Variants in GRM7 observed in about 807,000 individuals in gnomAD.
GRM7 encodes metabotropic glutamate receptor 7.
In GRM7, 35 loss-of-function variants were observed where a neutral mutation model predicts 84.5. The ratio of observed to expected loss-of-function variants is 0.41; its 90% CI spans 0.32 to 0.55. The LOEUF is 0.55. Among genes scored for constraint, GRM7 ranks in the 20% least tolerant of loss-of-function variants. GRM7 has a pLI of 0.19. For synonymous variants in GRM7, 487 were observed against 455.1 expected, an observed-to-expected ratio of 1.07 and a Z score of -0.89; for missense variants, 1,003 against 1,194.6, an observed-to-expected ratio of 0.84 and a Z score of 2.36.
chr3:7,245,766 A>G (rs1455081801), intron 2 of GRM7, among the ~76,000 whole-genome samples: 1 of 152,110 alleles, frequency 6.6e-6, no homozygotes, highest in Non-Finnish European at 1.5e-5. Flanking sequence ...GTATATGGAC[A>G]AATAGAAATC....
intron 8 of GRM7, among the ~76,000 whole-genome samples, chr3:7,587,963 C>G (rs1184905949): frequency 2.0e-5 from 3 of 152,092 alleles, no homozygotes; most frequent in African/African-American, 7.2e-5. Flanking sequence ...ATTCTCCTCC[C>G]ATCTCTGCTT....
At chr3:7,072,122 A>C (rs999720691) in intron 1 of GRM7, among the ~76,000 whole-genome samples, 1 of 152,082 alleles carries the variant, frequency 6.6e-6, no homozygotes, top group East Asian at 1.9e-4. Flanking sequence ...TAATATGCCC[A>C]GTTCATACTG....
At position 6,928,729 on chromosome 3, in the gene GRM7, A is replaced by G. The variant is rs970240281; in HGVS notation, c.519+66822A>G. On this transcript the variant is annotated intron_variant, in intron 1 of 9. Transcript: ENST00000357716. The surrounding 1 kb of genome is among the most constrained non-coding windows in gnomAD (Gnocchi z 4.5). The stretch of plus-strand genomic sequence containing the variant: ...CAATTTATCACTAAATGGCTTTTCC[A>G]TGGATTGCAATCATTGAAAGGTTGT... Among the ~76,000 whole-genome samples the G allele has an allele frequency of 3.9e-5, 6 of 152,168 alleles. No homozygotes were observed. The highest frequency in any genetic ancestry group is 1.3e-4 in the Admixed American group (2 of 15,278).
chr3:7,068,050 C>T (rs2030152), intron 1 of GRM7, among the ~76,000 whole-genome samples: 2 of 151,708 alleles, frequency 1.3e-5, no homozygotes, highest in Non-Finnish European at 2.9e-5. Context: ...GATAATTCTT[C>T]GTGTATAAAG....
intron 9 of GRM7, among the ~76,000 whole-genome samples, chr3:7,701,100 G>A (rs2125158439): frequency 2.0e-5 from 3 of 152,246 alleles, no homozygotes; most frequent in Middle Eastern, 6.8e-3. Flanking sequence ...ATATGATGTG[G>A]AATTGGCACC....
intron 7 of GRM7, among the ~76,000 whole-genome samples, chr3:7,513,882 C>T (rs1188915863): frequency 2.0e-5 from 3 of 152,306 alleles, no homozygotes; most frequent in East Asian, 3.9e-4. Flanking sequence ...TCTTTTATTG[C>T]ACTTCATCTG....
At chr3:7,102,687 C>G (rs1355876399) in intron 1 of GRM7, among the ~76,000 whole-genome samples, 4 of 151,712 alleles carry the variant, frequency 2.6e-5, no homozygotes. Flanking sequence ...TACACACATA[C>G]TCGACTGTTT....
At chr3:7,539,956 T>A (rs183761788) in intron 7 of GRM7, among the ~76,000 whole-genome samples, 111 of 152,318 alleles carry the variant, frequency 7.3e-4, no homozygotes, top group Non-Finnish European at 9.6e-4. Flanking sequence ...GGCTAACCAG[T>A]AATTTAGAAA....
chr3:6,892,131 C>A (rs145454000), intron 1 of GRM7, among the ~76,000 whole-genome samples: 1 of 152,092 alleles, frequency 6.6e-6, no homozygotes, highest in Admixed American at 6.6e-5. Flanking sequence ...GTTATACATT[C>A]GTCTAAATTT....
chr3:7,475,656 G>A (rs368199326), intron 7 of GRM7, among the ~76,000 whole-genome samples: 1 of 152,190 alleles, frequency 6.6e-6, no homozygotes. Context: ...ATAACGAGAG[G>A]AGGCTTGAGC....
rs71043686 is a variant in GRM7 at position 7,661,794 on chromosome 3, C to CAAAAAAAAAAAAAAAAAAAAAAAAAAAA, written c.2452-18229_2452-18228insAAAAAAAAAAAAAAAAAAAAAAAAAAAA. Among the ~76,000 whole-genome samples, 15 of 28,200 alleles carry CAAAAAAAAAAAAAAAAAAAAAAAAAAAA rather than the reference C, an allele frequency of 5.3e-4. 2 individuals are homozygous for CAAAAAAAAAAAAAAAAAAAAAAAAAAAA. Among genetic ancestry groups the CAAAAAAAAAAAAAAAAAAAAAAAAAAAA allele is most frequent in the East Asian group, 1.8e-3 (1 of 546 alleles). The allele number at this position is 28,200 out of a possible 152,430, so 18.5% of individuals were successfully genotyped here. A position where few individuals can be genotyped will look rare whatever the true frequency, so the allele number is the denominator to read the frequency against. On this transcript the variant is annotated intron_variant, in intron 8 of 9. Transcript: ENST00000357716. The stretch of plus-strand genomic sequence containing the variant: ...GGGCCACAGAGCGAGGTCTCCGTCT[C>CAAAAAAAAAAAAAAAAAAAAAAAAAAAA]AAAAAAAAAAAAAAAAAAAAAAAAA...
intron 9 of GRM7, among the ~76,000 whole-genome samples, chr3:7,729,470 G>A (rs991658771): frequency 6.6e-5 from 10 of 152,144 alleles, no homozygotes; most frequent in South Asian, 2.1e-4. Flanking sequence ...TGTTAGAGAC[G>A]CTTTTTACAG....
chr3:7,028,429 G>A (rs937603998), intron 1 of GRM7, among the ~76,000 whole-genome samples: 1 of 152,114 alleles, frequency 6.6e-6, no homozygotes, highest in African/African-American at 2.4e-5. Flanking sequence ...CCAGAATGAG[G>A]GAATCTGTGT....
At chr3:7,315,471 C>T (rs1700549871) in intron 4 of GRM7, among the ~76,000 whole-genome samples, 1 of 152,186 alleles carries the variant, frequency 6.6e-6, no homozygotes, top group Non-Finnish European at 1.5e-5. Flanking sequence ...TCATTCACCT[C>T]ACAGTGTTTT....
rs368835840 is a variant in GRM7, at chr3:7,475,474, A to G, written c.1515+13752A>G. ...TTCCTGATAATTATTTTTTTTTTCC[A>G]TTAACAGTATAGATCACCTTGGCTT... On this transcript the variant is annotated intron_variant, in intron 7 of 9. Transcript: ENST00000357716. Among the ~76,000 whole-genome samples the G allele has an allele frequency of 1.3e-3, 202 of 151,610 alleles. 4 individuals are homozygous for G. In the South Asian group the frequency reaches 0.037, roughly 28 times the overall value.
rs535928723 is a variant in GRM7 at position 7,445,477 on chromosome 3, T to C, written c.1175-7130T>C. ...ACCTGGTGCACAGAAAGTTCGCAAT[T>C]AACACGTGCTGCGGGTGGTGCTGTG... On this transcript the variant is annotated intron_variant, in intron 5 of 9. Coordinates refer to ENST00000357716, the MANE Select transcript of GRM7 (RefSeq NM_000844.4). Among the ~76,000 whole-genome samples, 3 of 152,246 alleles carry C rather than the reference T, an allele frequency of 2.0e-5. No individual in the cohort carries two copies. The South Asian group carries it at 6.2e-4, about 32-fold the overall frequency.
At chr3:7,410,921 G>A (rs1695909412) in intron 4 of GRM7, among the ~76,000 whole-genome samples, 1 of 152,114 alleles carries the variant, frequency 6.6e-6, no homozygotes, top group African/African-American at 2.4e-5. Context: ...TTACGGTTCT[G>A]GGGGCCAGAA....
chr3:7,187,150 A>G (rs1200414872), intron 2 of GRM7, among the ~76,000 whole-genome samples: 1 of 152,142 alleles, frequency 6.6e-6, no homozygotes, highest in Non-Finnish European at 1.5e-5. Flanking sequence ...TCAGATCTTC[A>G]TCAATTAAAT....
chr3:7,675,068 T>C (rs114301014), intron 8 of GRM7, among the ~76,000 whole-genome samples: 2 of 152,344 alleles, frequency 1.3e-5, no homozygotes, highest in African/African-American at 4.8e-5. Context: ...AATTTTTATA[T>C]AGATAAAAGT....
Sources: gnomAD v4.1 joint callset for allele counts (sites outside exome capture counted in the v4.1 genomes callset) on GRCh38, gnomAD v4.1.1 for gene constraint, Gnocchi (gnomAD v3.1) non-coding constraint, MANE v1.5 for transcripts, NCBI Gene and HGNC (gene_info 2026-07-23, HGNC 2026-07-21) for gene names.